DPY19L4: variants seen among roughly 807,000 people sequenced by gnomAD.
DPY19L4 encodes probable C-mannosyltransferase DPY19L4.
In DPY19L4, 97 loss-of-function variants were observed where a neutral mutation model predicts 102.8. The observed-to-expected ratio is 0.94, with a 90% CI of 0.80 to 1.12. DPY19L4 has a LOEUF of 1.12. Ranked by LOEUF, DPY19L4 falls within the 50% of genes most tolerant of loss-of-function variation. The pLI, the probability that DPY19L4 is intolerant of heterozygous loss-of-function variation, is 0.00. For missense variants in DPY19L4, 815 were observed against 850.4 expected, an observed-to-expected ratio of 0.96 and a Z score of 0.52; for synonymous variants, 252 against 283.1, an observed-to-expected ratio of 0.89 and a Z score of 1.10.
chr8:94,764,232 A>ACTG (rs1173177709), intron 8 of DPY19L4, among the ~76,000 whole-genome samples: 2 of 152,160 alleles, frequency 1.3e-5, no homozygotes, highest in Admixed American at 6.5e-5. Context: ...AGTCTGATTT[A>ACTG]GACACTGATG....
At chr8:94,755,944 A>G (rs1162792666) in intron 6 of DPY19L4, 92 bp from the exon 7 acceptor site, 30 of 1,331,708 alleles carry the variant, frequency 2.3e-5, no homozygotes, top group Non-Finnish European at 3.1e-5. Context: ...TGTTATGGAG[A>G]ACAATGAGAT....
chr8:94,741,006 T>A (rs947406483), intron 6 of DPY19L4, among the ~76,000 whole-genome samples: 8 of 152,208 alleles, frequency 5.3e-5, no homozygotes, highest in African/African-American at 1.7e-4. Context: ...CTAAGTCTTG[T>A]TGCATCCTGT....
chr8:94,766,203 G>T (rs1436351897), intron 10 of DPY19L4, among the ~76,000 whole-genome samples: 3 of 152,128 alleles, frequency 2.0e-5, no homozygotes, highest in South Asian at 4.1e-4. Flanking sequence ...GTGAAACCTC[G>T]TCTCTACTAA....
intron 18 of DPY19L4, among the ~76,000 whole-genome samples, chr8:94,788,961 T>C (rs1813777488): frequency 6.6e-6 from 1 of 152,246 alleles, no homozygotes; most frequent in South Asian, 2.1e-4. Context: ...AATATAAACT[T>C]ACTCTGTTTT....
chr8:94,764,385 A>C (rs969383067), intron 8 of DPY19L4, among the ~76,000 whole-genome samples: 1 of 151,624 alleles, frequency 6.6e-6, no homozygotes, highest in Non-Finnish European at 1.5e-5. Context: ...GACCATCCTG[A>C]CTAACACGGT....
At chr8:94,770,675 C>T in intron 13 of DPY19L4, 104 bp downstream of exon 13, 2 of 1,450,380 alleles carry the variant, frequency 1.4e-6, no homozygotes, top group Non-Finnish European at 1.9e-6. Context: ...AGGCGGGTGG[C>T]TCACCTGAGT....
intron 8 of DPY19L4, among the ~76,000 whole-genome samples, chr8:94,764,715 ATATTTTTTTTTTTT>A (rs1387975578): frequency 2.7e-4 from 14 of 51,314 alleles, no homozygotes; most frequent in South Asian, 6.9e-4. Context: ...ATATATATAT[ATATTTTTTTTTTTT>A]TTTTTTTTTT....
At chr8:94,738,318 C>CAA (rs201512830) in intron 3 of DPY19L4, 51 bp from the exon 4 acceptor site, 897 of 853,708 alleles carry the variant, frequency 1.1e-3, no homozygotes, top group East Asian at 2.3e-3. Context: ...GACTCTGTCT[C>CAA]AAAAAAAAAA....
chr8:94,738,193 C>T (rs531446738), intron 3 of DPY19L4, among the ~76,000 whole-genome samples, 176 bp from the exon 4 acceptor site: 2 of 151,644 alleles, frequency 1.3e-5, no homozygotes, highest in Admixed American at 1.3e-4. Flanking sequence ...TGGCAGGCGC[C>T]TGTAGTCCCA....
intron 6 of DPY19L4, among the ~76,000 whole-genome samples, chr8:94,748,583 C>T (rs1460211780): frequency 1.3e-5 from 2 of 152,100 alleles, no homozygotes; most frequent in African/African-American, 2.4e-5. Flanking sequence ...AACCTGGCCT[C>T]ACAGCAGGAG....
Position 94,765,423 on chromosome 8 carries a change from C to T in DPY19L4, c.1002+109C>T, listed in dbSNP as rs931101590. 11 of 1,076,530 alleles carry T rather than the reference C, an allele frequency of 1.0e-5. No homozygotes were observed. In the Admixed American group the frequency reaches 1.3e-4, roughly 13 times the overall value. The allele number at this position is 1,076,530 out of a possible 1,614,324, so 66.7% of individuals were successfully genotyped here. A position where few individuals can be genotyped will look rare whatever the true frequency, so the allele number is the denominator to read the frequency against. ...ACATCTCAGCTCACTGCAACCTCTG[C>T]CTCCCGGGTTCAAGTGATTCTCCTG... On this transcript the variant is annotated intron_variant, in intron 9 of 18. Transcript: ENST00000414645.
chr8:94,781,044 C>T lies in DPY19L4; in HGVS notation c.1633-40C>T, dbSNP rs772075174. On this transcript the variant is annotated intron_variant, in intron 15 of 18. Coordinates refer to ENST00000414645, the MANE Select transcript of DPY19L4 (RefSeq NM_181787.3). Reference sequence around the variant, plus strand: ...TTTAAACTTTCTAATTACTGACATACATCTTTTGGGGATTTTTTTTTTTTT... The same window carrying T: ...TTTAAACTTTCTAATTACTGACATATATCTTTTGGGGATTTTTTTTTTTTT... The T allele has an allele frequency of 2.3e-5, 34 of 1,451,968 alleles. No homozygotes were observed. The South Asian group carries it at 4.0e-4, about 17-fold the overall frequency. The allele number at this position is 1,451,968 out of a possible 1,614,324, so 89.9% of individuals were successfully genotyped here.
chr8:94,748,332 G>A (rs1811768885), intron 6 of DPY19L4, among the ~76,000 whole-genome samples: 1 of 152,148 alleles, frequency 6.6e-6, no homozygotes, highest in South Asian at 2.1e-4. Flanking sequence ...AGGGGTGGTA[G>A]GTAAACCTTT....
intron 2 of DPY19L4, among the ~76,000 whole-genome samples, chr8:94,733,794 G>A (rs1423167259): frequency 8.5e-5 from 13 of 152,078 alleles, no homozygotes; most frequent in Non-Finnish European, 1.9e-4. Context: ...CACCCACCTC[G>A]GCCTCCCAAA....
At chr8:94,782,924 A>G (rs755498238) in intron 16 of DPY19L4, among the ~76,000 whole-genome samples, 1 of 152,192 alleles carries the variant, frequency 6.6e-6, no homozygotes, top group Non-Finnish European at 1.5e-5. Flanking sequence ...ACAATTACCT[A>G]TTGAATATTT....
chr8:94,743,581 A>T (rs1392294782), intron 6 of DPY19L4, among the ~76,000 whole-genome samples: 1 of 151,658 alleles, frequency 6.6e-6, no homozygotes, highest in East Asian at 1.9e-4. Flanking sequence ...GGCTGCAGTG[A>T]GCTATTGACT....
intron 2 of DPY19L4, among the ~76,000 whole-genome samples, chr8:94,729,233 A>C (rs1382245567): frequency 6.6e-6 from 1 of 151,994 alleles, no homozygotes; most frequent in Admixed American, 6.6e-5. Flanking sequence ...TTAGCTGGGC[A>C]TGGTGGCATG....
At chr8:94,742,406 T>C (rs1009212945) in intron 6 of DPY19L4, among the ~76,000 whole-genome samples, 1 of 152,082 alleles carries the variant, frequency 6.6e-6, no homozygotes, top group Non-Finnish European at 1.5e-5. Context: ...TTTTACTTTC[T>C]TTTTGAGACA....
At chr8:94,729,023 G>GAA (rs1212982486) in intron 2 of DPY19L4, among the ~76,000 whole-genome samples, 1 of 127,654 alleles carries the variant, frequency 7.8e-6, no homozygotes. Context: ...TTTATTTAAA[G>GAA]AAAAAAAAAA....
Sources: allele counts gnomAD v4.1 joint callset (sites outside exome capture counted in the v4.1 genomes callset), GRCh38; gene constraint gnomAD v4.1.1; transcripts MANE v1.5; gene names NCBI Gene and HGNC (gene_info 2026-07-23, HGNC 2026-07-21).